The following TNRC6A variants were observed in gnomAD, a reference collection of about 807,000 sequenced individuals.
TNRC6A encodes the protein trinucleotide repeat-containing gene 6A protein.
A neutral mutation model predicts 221.2 loss-of-function variants in TNRC6A; 44 were observed. The ratio of observed to expected loss-of-function variants is 0.20; its 90% CI spans 0.16 to 0.26. The LOEUF is 0.26. Ranked by LOEUF, TNRC6A falls within the 10% of genes least tolerant of loss-of-function variation. The pLI, the probability that TNRC6A is intolerant of heterozygous loss-of-function variation, is 1.00. For synonymous variants in TNRC6A, 847 were observed against 838.5 expected, an observed-to-expected ratio of 1.01 and a Z score of -0.18; for missense variants, 2,199 against 2,404.4, an observed-to-expected ratio of 0.91 and a Z score of 1.79.
intron 2 of TNRC6A, among the ~76,000 whole-genome samples, chr16:24,682,389 CTT>C (rs563276976): frequency 5.4e-5 from 7 of 130,378 alleles, no homozygotes; most frequent in Non-Finnish European, 1.6e-5. Flanking sequence ...CCACGCCCAG[CTT>C]TTTTTTTTTT....
chr16:24,819,729 G>GTATCATTAAA, intron 21 of TNRC6A: 1 of 196,960 alleles, frequency 5.1e-6, no homozygotes, highest in South Asian at 9.3e-5. Context: ...TCCTGAGTTG[G>GTATCATTAAA]GGCTCTTTTG....
intron 1 of TNRC6A, among the ~76,000 whole-genome samples, chr16:24,611,364 T>C (rs1240966478): frequency 6.6e-6 from 1 of 152,142 alleles, no homozygotes; most frequent in African/African-American, 2.4e-5. Flanking sequence ...TGCACATATG[T>C]GTTAAAGGAG....
At chr16:24,713,068 T>C (rs2056238142) in intron 2 of TNRC6A, among the ~76,000 whole-genome samples, 1 of 152,052 alleles carries the variant, frequency 6.6e-6, no homozygotes, top group Non-Finnish European at 1.5e-5. Context: ...TGTATGCCAC[T>C]GTGCCAGCCC....
intron 1 of TNRC6A, among the ~76,000 whole-genome samples, chr16:24,620,322 A>G (rs1261993386): frequency 6.6e-6 from 1 of 152,180 alleles, no homozygotes; most frequent in African/African-American, 2.4e-5. Flanking sequence ...AAATAAGAGT[A>G]TCCGTTTGCA....
chr16:24,787,846 AATAGTGACTTCTTTTT>A (rs2058007570), intron 5 of TNRC6A, among the ~76,000 whole-genome samples: 1 of 152,240 alleles, frequency 6.6e-6, no homozygotes, highest in Non-Finnish European at 1.5e-5. Context: ...AAATCACCTT[AATAGTGACTTCTTTTT>A]ATCTCCTAGG....
Position 24,686,988 on chromosome 16 carries a change from A to G in TNRC6A, n.402+45979A>G, listed in dbSNP as rs1435493353. On this transcript the variant is annotated intron_variant and non_coding_transcript_variant, in intron 2 of 2. Transcript: ENST00000566108. ...CTTACTAGCTCTGTGTCCTTGGGCA[A>G]GTTACTTATCCTGTCTGTTAAATGG... is the stretch of plus-strand genomic sequence containing the variant. Among the ~76,000 whole-genome samples, 7 of 152,220 alleles carry G rather than the reference A, an allele frequency of 4.6e-5. No homozygotes were observed. The South Asian group carries it at 1.2e-3, about 27-fold the overall frequency.
intron 2 of TNRC6A, among the ~76,000 whole-genome samples, chr16:24,709,707 C>T (rs1011509285): frequency 6.6e-6 from 1 of 150,538 alleles, no homozygotes; most frequent in Non-Finnish European, 1.5e-5. Context: ...AGCCTGTAGT[C>T]CCTGCTATGC....
chr16:24,721,048 G>A (rs1275087977), intron 2 of TNRC6A, among the ~76,000 whole-genome samples: 2 of 152,004 alleles, frequency 1.3e-5, no homozygotes, highest in African/African-American at 4.8e-5. Context: ...GAGCGAGACT[G>A]TCTCAAAAAA....
At chr16:24,687,843 G>GGAAGACGAAGAAGAAGAA (rs1555489486) in intron 2 of TNRC6A, among the ~76,000 whole-genome samples, 1 of 101,856 alleles carries the variant, frequency 9.8e-6, no homozygotes, top group Non-Finnish European at 2.0e-5. Context: ...AAGAGGAAGA[G>GGAAGACGAAGAAGAAGAA]GAAGAAGAAG....
At position 24,777,327 on chromosome 16, in the gene TNRC6A, C is replaced by T. The variant is rs374501849; in HGVS notation, c.558C>T (p.Asn186=). ...SALTNQQPQN[N]GEVQNSKNQS... ...TAACAAATCAACAGCCACAAAATAA[C>T]GGAGAGGTGCAGAACAGCAAAAACC... Residue 186 remains asparagine, a synonymous_variant, in exon 5 of 25, where the codon AAC becomes AAT. Coordinates refer to ENST00000395799, the MANE Select transcript of TNRC6A (RefSeq NM_014494.4). The T allele has an allele frequency of 2.0e-5, 33 of 1,612,578 alleles. No individual in the cohort carries two copies. Among genetic ancestry groups the T allele is most frequent in the East Asian group, 2.0e-4 (9 of 44,898 alleles).
At chr16:24,803,986 C>T (rs1322689966) in intron 11 of TNRC6A, 191 bp from the exon 12 acceptor site, 1 of 527,234 alleles carries the variant, frequency 1.9e-6, no homozygotes, top group Non-Finnish European at 3.2e-6. Flanking sequence ...AGTAAAATAA[C>T]AGTATCTCCT....
chr16:24,652,387 G>T (rs1030191930), intron 2 of TNRC6A, among the ~76,000 whole-genome samples: 4 of 152,136 alleles, frequency 2.6e-5, no homozygotes, highest in Non-Finnish European at 5.9e-5. Flanking sequence ...AAATTATATG[G>T]TGGCCTTTCT....
intron 2 of TNRC6A, among the ~76,000 whole-genome samples, chr16:24,702,065 A>C (rs1405133550): frequency 2.7e-5 from 4 of 148,998 alleles, no homozygotes; most frequent in South Asian, 2.1e-4. Flanking sequence ...CTTCTCTTTC[A>C]CATTTCACAT....
At chr16:24,708,665 C>T (rs954276175) in intron 2 of TNRC6A, among the ~76,000 whole-genome samples, 2 of 152,050 alleles carry the variant, frequency 1.3e-5, no homozygotes, top group African/African-American at 2.4e-5. Context: ...CCTCCCCCTT[C>T]GAGTCCCCAG....
chr16:24,787,161 C>G (rs2050573997), intron 5 of TNRC6A, among the ~76,000 whole-genome samples: 1 of 152,202 alleles, frequency 6.6e-6, no homozygotes, highest in Admixed American at 6.5e-5. Flanking sequence ...TTGCAGCCAG[C>G]ACTGAGCTTA....
intron 2 of TNRC6A, among the ~76,000 whole-genome samples, chr16:24,714,302 C>CTTTTTTT (rs60469088): frequency 1.6e-3 from 111 of 71,290 alleles, no homozygotes; most frequent in Non-Finnish European, 1.9e-3. Flanking sequence ...TGCTGTTAAT[C>CTTTTTTT]TTTTTTTTTT....
At chr16:24,676,777 C>T (rs1406271944) in intron 2 of TNRC6A, among the ~76,000 whole-genome samples, 1 of 152,152 alleles carries the variant, frequency 6.6e-6, no homozygotes, top group East Asian at 1.9e-4. Flanking sequence ...TTCTTGACTG[C>T]ATTTGATCAC....
chr16:24,612,382 A>T (rs1041391521), intron 1 of TNRC6A, among the ~76,000 whole-genome samples: 1 of 152,162 alleles, frequency 6.6e-6, no homozygotes, highest in African/African-American at 2.4e-5. Context: ...CTAATAAGTG[A>T]TAGAGCTAGG....
intron 18 of TNRC6A, among the ~76,000 whole-genome samples, chr16:24,811,463 G>A (rs2058542347): frequency 6.6e-6 from 1 of 152,126 alleles, no homozygotes; most frequent in African/African-American, 2.4e-5. Context: ...AGTTGGGCAA[G>A]GCTTCTAGGA....
Sources: gnomAD v4.1 joint callset for allele counts (sites outside exome capture counted in the v4.1 genomes callset) on GRCh38, gnomAD v4.1.1 for gene constraint, MANE v1.5 for transcripts, NCBI Gene and HGNC (gene_info 2026-07-23, HGNC 2026-07-21) for gene names.